The following CTNNA2 variants were observed in gnomAD, a reference collection of about 807,000 sequenced individuals.
The protein encoded by CTNNA2 is catenin alpha-2.
A neutral mutation model predicts 101.0 loss-of-function variants in CTNNA2; 42 were observed. The ratio of observed to expected loss-of-function variants is 0.42; its 90% CI spans 0.32 to 0.54. The LOEUF (loss-of-function observed/expected upper bound fraction) is 0.54, where lower values mean the gene tolerates loss of function less well. Among genes scored for constraint, CTNNA2 ranks in the 20% least tolerant of loss-of-function variants. CTNNA2 has a pLI of 0.14. For missense variants in CTNNA2, 871 were observed against 1,223.1 expected (o/e 0.71, Z 4.29); for synonymous variants, 450 against 456.4 (o/e 0.99, Z 0.18).
intron 7 of CTNNA2, among the ~76,000 whole-genome samples, chr2:80,337,165 T>C (rs565152325): frequency 2.0e-5 from 3 of 151,964 alleles, no homozygotes; most frequent in Non-Finnish European, 2.9e-5. Flanking sequence ...ACCATCCTGG[T>C]TGACATGGTG....
rs1164018536 is a variant in CTNNA2, at chr2:79,409,624, A to T, written c.-135+35611A>T. 2.0e-5 allele frequency among the ~76,000 whole-genome samples: 3 copies of T among 149,902 alleles called. No individual in the cohort carries two copies. In the East Asian group the frequency reaches 5.9e-4, roughly 29 times the overall value. On this transcript the variant is annotated intron_variant, in intron 4 of 21. Transcript: ENST00000466387. ...CAGATAGTTGTAGATATGCGGCATTATTTCTGAGGGCTCTGTTCTGTTCCA... is the reference window on the plus strand; with the variant it reads ...CAGATAGTTGTAGATATGCGGCATTTTTTCTGAGGGCTCTGTTCTGTTCCA...
Position 79,909,808 on chromosome 2 carries a change from G to T in CTNNA2, c.1056+11G>T. 1 of 1,589,148 alleles carries T rather than the reference G, an allele frequency of 6.3e-7. No individual in the cohort carries two copies. Among genetic ancestry groups the T allele is most frequent in the Non-Finnish European group, 8.6e-7 (1 of 1,163,418 alleles). ...GAGTACATGAATAATGTAAGTCTTG[G>T]GATCTCCATTCTCATGTCTTGGTGG... On this transcript the variant is annotated intron_variant, in intron 7 of 18. Coordinates refer to ENST00000402739, the MANE Select transcript of CTNNA2 (RefSeq NM_001282597.3).
chr2:80,154,903 T>C (rs1047840267), intron 7 of CTNNA2, among the ~76,000 whole-genome samples: 1 of 152,200 alleles, frequency 6.6e-6, no homozygotes, highest in African/African-American at 2.4e-5. Flanking sequence ...TTTACTGTAT[T>C]ATGCACTAAA....
chr2:79,860,554 T>TTTTTTTTTTTTTTTTTTTC (rs1681534521), intron 4 of CTNNA2, among the ~76,000 whole-genome samples: 1 of 149,884 alleles, frequency 6.7e-6, no homozygotes, highest in African/African-American at 2.5e-5. Flanking sequence ...AAGTTTTTTT[T>TTTTTTTTTTTTTTTTTTTC]TTTTTTTTTT....
At chr2:80,380,945 C>T (rs1284358318) in intron 7 of CTNNA2, among the ~76,000 whole-genome samples, 1 of 152,102 alleles carries the variant, frequency 6.6e-6, no homozygotes, top group Non-Finnish European at 1.5e-5. Context: ...TCCAGGGTTT[C>T]GGCCTGCTTT....
At chr2:79,653,501 G>A (rs1251025009) in intron 2 of CTNNA2, among the ~76,000 whole-genome samples, 2 of 152,128 alleles carry the variant, frequency 1.3e-5, no homozygotes, top group African/African-American at 4.8e-5. Context: ...CTGTTGAAGT[G>A]GCTGAGGGGA....
intron 3 of CTNNA2, among the ~76,000 whole-genome samples, chr2:79,326,343 T>C (rs899995034): frequency 6.7e-6 from 1 of 150,274 alleles, no homozygotes; most frequent in East Asian, 1.9e-4. Context: ...GAGTAGGGGA[T>C]TGGAAGAAAA....
At chr2:80,125,792 C>T (rs1338163436) in intron 7 of CTNNA2, among the ~76,000 whole-genome samples, 1 of 152,070 alleles carries the variant, frequency 6.6e-6, no homozygotes, top group African/African-American at 2.4e-5. Flanking sequence ...TGGCACCATC[C>T]CTAATCTCTG....
chr2:80,079,687 G>T (rs564039041), intron 7 of CTNNA2, among the ~76,000 whole-genome samples: 1 of 151,714 alleles, frequency 6.6e-6, no homozygotes, highest in South Asian at 2.1e-4. Context: ...GGTGGCGGGC[G>T]CCTGTAGTCA....
At chr2:79,821,683 T>G (rs936326040) in intron 3 of CTNNA2, among the ~76,000 whole-genome samples, 49 of 152,198 alleles carry the variant, frequency 3.2e-4, no homozygotes, top group African/African-American at 1.2e-3. Context: ...ACATGTAACT[T>G]TCCTTGAAAA....
At chr2:79,799,157 T>C (rs968876027) in intron 3 of CTNNA2, among the ~76,000 whole-genome samples, 1 of 150,898 alleles carries the variant, frequency 6.6e-6, no homozygotes, top group African/African-American at 2.5e-5. Context: ...CTCACAGTTA[T>C]AATTCGATGC....
At chr2:80,426,255 C>T (rs1007853806) in intron 9 of CTNNA2, among the ~76,000 whole-genome samples, 1 of 152,160 alleles carries the variant, frequency 6.6e-6, no homozygotes, top group Non-Finnish European at 1.5e-5. Context: ...AACTCAGCAG[C>T]AAAGCAGTTC....
At chr2:80,502,306 C>T (rs1305731603) in intron 9 of CTNNA2, among the ~76,000 whole-genome samples, 2 of 152,146 alleles carry the variant, frequency 1.3e-5, no homozygotes, top group Non-Finnish European at 2.9e-5. Flanking sequence ...TGGGATTTAA[C>T]CTAATTTCAA....
At chr2:80,197,169 A>T (rs1706893988) in intron 7 of CTNNA2, among the ~76,000 whole-genome samples, 2 of 152,098 alleles carry the variant, frequency 1.3e-5, no homozygotes, top group African/African-American at 4.8e-5. Flanking sequence ...GTAGTCAATT[A>T]TTTATGTTGT....
At chr2:80,075,013 A>G (rs1698585740) in intron 7 of CTNNA2, among the ~76,000 whole-genome samples, 1 of 152,128 alleles carries the variant, frequency 6.6e-6, no homozygotes, top group African/African-American at 2.4e-5. Flanking sequence ...ATTCGTTTCT[A>G]TTAGGTCTGT....
chr2:79,705,075 A>G (rs7587888), intron 2 of CTNNA2, among the ~76,000 whole-genome samples: 81,125 of 151,806 alleles, frequency 0.53, 22,029 homozygotes, highest in East Asian at 0.78. Flanking sequence ...ACAGGCATCT[A>G]GTGGGTCGAA....
chr2:80,453,099 G>C (rs7606550), intron 9 of CTNNA2, among the ~76,000 whole-genome samples: 40,389 of 151,994 alleles, frequency 0.27, 6,817 homozygotes, highest in East Asian at 0.65. Flanking sequence ...TGATGTTCCT[G>C]AGGGTACTTT....
At chr2:79,298,681 C>T (rs1480670423) in intron 2 of CTNNA2, among the ~76,000 whole-genome samples, 4 of 152,260 alleles carry the variant, frequency 2.6e-5, no homozygotes, top group East Asian at 3.9e-4. Flanking sequence ...GGTCCAACTC[C>T]CCCTTAGACA....
rs143734131 is a variant in CTNNA2, at chr2:80,443,230, G to A, written c.1290+23629G>A. Among the ~76,000 whole-genome samples, 1,215 of 152,296 alleles carry A rather than the reference G, an allele frequency of 8.0e-3. 11 individuals are homozygous for A. The highest frequency in any genetic ancestry group is 0.042 in the South Asian group (201 of 4,826). ...ATAAGATTGTAAGACAATGATGGAA[G>A]TAAAACAGCTCTTCTTCACCCCACT... On this transcript the variant is annotated intron_variant, in intron 9 of 18. Coordinates refer to ENST00000402739, the MANE Select transcript of CTNNA2 (RefSeq NM_001282597.3).
Sources: allele counts gnomAD v4.1 joint callset (sites outside exome capture counted in the v4.1 genomes callset), GRCh38; gene constraint gnomAD v4.1.1; transcripts MANE v1.5; gene names NCBI Gene and HGNC (gene_info 2026-07-23, HGNC 2026-07-21).